Variants in HLA-DRB5 observed in about 807,000 individuals in gnomAD.
HLA-DRB5 encodes major histocompatibility complex, class II, DR beta 5.
In HLA-DRB5, 11 loss-of-function variants were observed where a neutral mutation model predicts 22.4. The ratio of observed to expected loss-of-function variants is 0.49; its 90% CI spans 0.31 to 0.81. HLA-DRB5 has a LOEUF of 0.81. HLA-DRB5 is among the 40% of genes least tolerant of loss of function. HLA-DRB5 has a pLI of 0.05. For missense variants in HLA-DRB5, 106 were observed against 274.4 expected, an observed-to-expected ratio of 0.39 and a Z score of 4.34; for synonymous variants, 57 against 106.0, an observed-to-expected ratio of 0.54 and a Z score of 2.84.
At chr6:32,525,897 TGGGC>T (rs1769554281) in intron 1 of HLA-DRB5, among the ~76,000 whole-genome samples, 1 of 41,774 alleles carries the variant, frequency 2.4e-5, no homozygotes, top group African/African-American at 9.0e-5. Context: ...CTAATAAATA[TGGGC>T]TGTGTGAAAT....
rs192913953 is a variant in HLA-DRB5 at position 32,523,992 on chromosome 6, C to G, written c.101-1818G>C. Among the ~76,000 whole-genome samples the G allele has an allele frequency of 4.8e-5, 3 of 61,884 alleles. No homozygotes were observed. The East Asian group carries it at 1.4e-3, about 29-fold the overall frequency. The allele number at this position is 61,884 out of a possible 152,430, so 40.6% of individuals were successfully genotyped here. ...TCAGAAGAAACCCCTGTGGTGACAA[C>G]CAAAAATTGCTCAAACATTGCCACA... On this transcript the variant is annotated intron_variant, in intron 1 of 5. Transcript: ENST00000374975.
chr6:32,519,724 C>A, intron 2 of HLA-DRB5, 73 bp from the exon 3 acceptor site: 1 of 574,742 alleles, frequency 1.7e-6, no homozygotes, highest in African/African-American at 3.4e-5. Context: ...TGTTTGTCTG[C>A]TTCTCTGTAA....
chr6:32,528,093 T>G (rs796708312), intron 1 of HLA-DRB5, among the ~76,000 whole-genome samples: 637 of 46,998 alleles, frequency 0.014, no homozygotes, highest in East Asian at 0.017. Flanking sequence ...CCCCCCCAAT[T>G]CGGTCTCCCT....
chr6:32,521,905 C>T lies in HLA-DRB5; in HGVS notation c.370G>A (p.Val124Ile), dbSNP rs1347144521. ...AGGCCCCGCCCCCCACCATGCTCAC[C>T]TCGCCGCTGCACTGTGAAGCTCTCA... The part of the protein sequence containing the change: ...VGESFTVQRR[V>I]EPKVTVYPAR... The change falls in exon 2 of 6, where the codon GTT becomes ATT. Residue 124 changes from valine (V) to isoleucine (I), a missense_variant and splice_region_variant. Coordinates refer to ENST00000374975, the MANE Select transcript of HLA-DRB5 (RefSeq NM_002125.4). The T allele has an allele frequency of 1.4e-6, 2 of 1,476,310 alleles. No individual in the cohort carries two copies. The highest frequency in any genetic ancestry group is 1.2e-5 in the South Asian group (1 of 85,808). The allele number at this position is 1,476,310 out of a possible 1,614,324, so 91.5% of individuals were successfully genotyped here.
intron 1 of HLA-DRB5, among the ~76,000 whole-genome samples, chr6:32,523,644 A>C (rs111323832): frequency 2.5e-4 from 27 of 110,020 alleles, no homozygotes; most frequent in Non-Finnish European, 2.8e-4. Context: ...AAATGTTGAA[A>C]AATATTGCAT....
chr6:32,518,897 C>A (rs1768444433), intron 3 of HLA-DRB5, among the ~76,000 whole-genome samples: 2 of 48,728 alleles, frequency 4.1e-5, no homozygotes, highest in Admixed American at 2.8e-4. Flanking sequence ...ACGGCTTCAA[C>A]ATCTGATAAA....
At chr6:32,518,809 A>C in intron 3 of HLA-DRB5, 143 bp from the exon 4 acceptor site, 1 of 323,016 alleles carries the variant, frequency 3.1e-6, no homozygotes, top group Non-Finnish European at 5.5e-6. Context: ...GGAGAAAAAA[A>C]AGGTTTTCAA....
intron 1 of HLA-DRB5, among the ~76,000 whole-genome samples, chr6:32,522,770 G>A (rs1769106388): frequency 2.2e-5 from 1 of 45,688 alleles, no homozygotes; most frequent in Admixed American, 2.7e-4. Flanking sequence ...CCAGAACACA[G>A]AGTAATAGGA....
At chr6:32,524,591 T>TTTATAAAG (rs1769365242) in intron 1 of HLA-DRB5, among the ~76,000 whole-genome samples, 6 of 46,366 alleles carry the variant, frequency 1.3e-4, no homozygotes, top group Admixed American at 2.2e-4. Flanking sequence ...CCAGACTTTG[T>TTTATAAAG]GTAGAGACCT....
chr6:32,529,202 T>A (rs1562454800), intron 1 of HLA-DRB5, among the ~76,000 whole-genome samples: 1 of 132,216 alleles, frequency 7.6e-6, no homozygotes, highest in Non-Finnish European at 1.6e-5. Flanking sequence ...GTGAACAATG[T>A]CCACATTCTC....
At chr6:32,519,865 T>G in intron 2 of HLA-DRB5, among the ~76,000 whole-genome samples, 1 of 101,378 alleles carries the variant, frequency 9.9e-6, no homozygotes, top group East Asian at 2.9e-4. Flanking sequence ...TGTGTTTGTT[T>G]CTTCATCACT....
At chr6:32,525,573 A>G (rs1251327503) in intron 1 of HLA-DRB5, among the ~76,000 whole-genome samples, 2 of 123,240 alleles carry the variant, frequency 1.6e-5, no homozygotes, top group East Asian at 4.7e-4. Flanking sequence ...TAAACCTCAC[A>G]CAAAAGGCAC....
intron 1 of HLA-DRB5, among the ~76,000 whole-genome samples, chr6:32,523,122 AT>A (rs1176016632): frequency 0.11 from 5,021 of 47,722 alleles, 196 homozygotes; most frequent in Middle Eastern, 0.19. Flanking sequence ...GTGGGAAAGT[AT>A]CAAAGAGATT....
rs115817940 is a variant in HLA-DRB5 at position 32,521,958 on chromosome 6, G to T, written c.317C>A (p.Thr106Asn). ...AACCCCGTAGTTGTGTCTGCAGTAG[G>T]TGTCCACCGCGGCGCGCCTGTCTTC... ...FLEDRRAAVD[T>N]YCRHNYGVGE... Residue 106 changes from threonine (T) to asparagine (N), a missense_variant, in exon 2 of 6, where the codon ACC (threonine) becomes AAC (asparagine). Coordinates refer to ENST00000374975, the MANE Select transcript of HLA-DRB5 (RefSeq NM_002125.4). 288,692 of 1,208,814 alleles carry T rather than the reference G, an allele frequency of 0.24. 42,136 individuals carry two copies. The highest frequency in any genetic ancestry group is 0.35 in the African/African-American group (18,291 of 51,846). The allele number at this position is 1,208,814 out of a possible 1,614,324, so 74.9% of individuals were successfully genotyped here. A position where few individuals can be genotyped will look rare whatever the true frequency, so the allele number is the denominator to read the frequency against.
intron 1 of HLA-DRB5, among the ~76,000 whole-genome samples, chr6:32,525,213 G>A (rs1234775152): frequency 0.019 from 545 of 28,658 alleles, 1 homozygote; most frequent in Middle Eastern, 0.05. Context: ...AATATGAATT[G>A]AAATATGACC....
chr6:32,523,389 A>T (rs112473299), intron 1 of HLA-DRB5, among the ~76,000 whole-genome samples: 5,125 of 32,332 alleles, frequency 0.16, 1,903 homozygotes, highest in East Asian at 0.21. Context: ...TATATATTTT[A>T]GATGTTTTTG....
At chr6:32,521,755 A>C in intron 2 of HLA-DRB5, 150 bp downstream of exon 2, 1 of 429,896 alleles carries the variant, frequency 2.3e-6, no homozygotes, top group Non-Finnish European at 3.9e-6. Flanking sequence ...GATTGAGAGG[A>C]TTCTAAATGC....
intron 1 of HLA-DRB5, among the ~76,000 whole-genome samples, chr6:32,527,060 C>A (rs1246486408): frequency 2.6e-4 from 4 of 15,162 alleles, no homozygotes; most frequent in Admixed American, 8.6e-4. Context: ...TAAGCAAAAT[C>A]CACTTTATCT....
Position 32,529,982 on chromosome 6 carries a change from T to C in HLA-DRB5, c.100+143A>G, listed in dbSNP as rs1395071658. On this transcript the variant is annotated intron_variant, in intron 1 of 5. Transcript: ENST00000374975. The stretch of plus-strand genomic sequence containing the variant: ...AGTCAAGCTCCTTTTGTGGAGGAAA[T>C]AATTTGGGATCCCATGATAAAGATG... 202 of 627,578 alleles carry C rather than the reference T, an allele frequency of 3.2e-4. No homozygotes were observed. In the African/African-American group the frequency reaches 3.6e-3, roughly 11 times the overall value. 38.9% of individuals were successfully genotyped at this position (627,578 alleles called of 1,614,324 possible).
Sources: gnomAD v4.1 joint callset for allele counts (sites outside exome capture counted in the v4.1 genomes callset) on GRCh38, gnomAD v4.1.1 for gene constraint, MANE v1.5 for transcripts, NCBI Gene and HGNC (gene_info 2026-07-23, HGNC 2026-07-21) for gene names.